TRHDE: variants seen among roughly 807,000 people sequenced by gnomAD.
TRHDE encodes thyrotropin-releasing hormone-degrading ectoenzyme.
A neutral mutation model predicts 125.7 loss-of-function variants in TRHDE; 72 were observed. That is an observed-to-expected ratio of 0.57 (90% confidence interval 0.47 to 0.70). The LOEUF (loss-of-function observed/expected upper bound fraction) is 0.70, where lower values mean the gene tolerates loss of function less well. Among genes scored for constraint, TRHDE ranks in the 30% least tolerant of loss-of-function variants. The pLI, the probability that TRHDE is intolerant of heterozygous loss-of-function variation, is 0.00. For synonymous variants in TRHDE, 509 were observed against 509.1 expected (o/e 1.00, Z 0.00); for missense variants, 1,110 against 1,327.1 (o/e 0.84, Z 2.54).
chr12:72,543,781 A>G lies in TRHDE; in HGVS notation c.1788+1425A>G, dbSNP rs139273866. ...ACTACAGTTATATTATTTGGAAAGG[A>G]TTATTATTTGGAAAGGATTATTATT... On this transcript the variant is annotated intron_variant, in intron 7 of 18. Transcript: ENST00000261180. Among the ~76,000 whole-genome samples the G allele has an allele frequency of 1.4e-4, 20 of 143,928 alleles. No individual in the cohort carries two copies. The East Asian group carries it at 3.9e-3, about 28-fold the overall frequency. 94.4% of individuals were successfully genotyped at this position (143,928 alleles called of 152,430 possible).
intron 3 of TRHDE, among the ~76,000 whole-genome samples, chr12:72,445,373 C>G (rs1457046819): frequency 6.6e-6 from 1 of 151,876 alleles, no homozygotes. Flanking sequence ...ATCCCATACT[C>G]AAATGCCTCA....
intron 2 of TRHDE, among the ~76,000 whole-genome samples, chr12:72,211,034 C>G (rs1877769830): frequency 6.6e-6 from 1 of 152,184 alleles, no homozygotes; most frequent in Non-Finnish European, 1.5e-5. Context: ...CGACCACCCT[C>G]CTAGACCTGA....
At chr12:72,549,907 G>A (rs1008953041) in intron 7 of TRHDE, among the ~76,000 whole-genome samples, 1 of 151,542 alleles carries the variant, frequency 6.6e-6, no homozygotes, top group East Asian at 1.9e-4. Context: ...TAATTTAAAG[G>A]TTGTTAACCG....
At chr12:72,473,772 G>A (rs965404263) in intron 5 of TRHDE, among the ~76,000 whole-genome samples, 3 of 151,940 alleles carry the variant, frequency 2.0e-5, no homozygotes, top group Non-Finnish European at 2.9e-5. Context: ...GGAGGGTGTA[G>A]TTTTGCTATA....
intron 1 of TRHDE, among the ~76,000 whole-genome samples, chr12:72,099,449 G>A (rs1875016000): frequency 6.6e-6 from 1 of 152,108 alleles, no homozygotes; most frequent in Non-Finnish European, 1.5e-5. Context: ...TTTGTTCTTG[G>A]ATTTTGATAT....
intron 6 of TRHDE, among the ~76,000 whole-genome samples, chr12:72,503,326 C>G (rs558860581): frequency 3.3e-5 from 5 of 152,090 alleles, no homozygotes; most frequent in African/African-American, 1.2e-4. Context: ...AAATCAGGTT[C>G]CAGAGCCAGT....
chr12:72,657,602 A>G (rs1431476712), intron 18 of TRHDE, among the ~76,000 whole-genome samples: 1 of 152,178 alleles, frequency 6.6e-6, no homozygotes, highest in Admixed American at 6.5e-5. Flanking sequence ...GTGAAAATAA[A>G]CTTGATTTTT....
chr12:72,453,621 C>T (rs1453494636), intron 3 of TRHDE, among the ~76,000 whole-genome samples: 4 of 152,124 alleles, frequency 2.6e-5, no homozygotes, highest in Non-Finnish European at 1.5e-5. Flanking sequence ...ATAGAGAAAA[C>T]AATGAGGAAA....
intron 15 of TRHDE, among the ~76,000 whole-genome samples, chr12:72,633,449 T>A (rs1453639731): frequency 6.6e-6 from 1 of 152,112 alleles, no homozygotes; most frequent in East Asian, 1.9e-4. Flanking sequence ...CAGACTGTTT[T>A]TTGGACTACC....
At chr12:72,222,199 A>G (rs758102860) in intron 2 of TRHDE, among the ~76,000 whole-genome samples, 5 of 152,156 alleles carry the variant, frequency 3.3e-5, no homozygotes, top group African/African-American at 4.8e-5. Context: ...ATTCAGGGGT[A>G]GAGGACATAG....
At chr12:72,309,085 G>A (rs1246793619) in intron 2 of TRHDE, among the ~76,000 whole-genome samples, 1 of 152,078 alleles carries the variant, frequency 6.6e-6, no homozygotes, top group African/African-American at 2.4e-5. Flanking sequence ...CAAAACCATG[G>A]CTACAATCAA....
chr12:72,470,963 G>A (rs889521034), intron 4 of TRHDE, among the ~76,000 whole-genome samples: 12 of 129,376 alleles, frequency 9.3e-5, no homozygotes, highest in Admixed American at 7.0e-4. Flanking sequence ...TGCAGTCTTC[G>A]CCTCCCAGGT....
chr12:72,538,749 T>C (rs1238708443), intron 6 of TRHDE, among the ~76,000 whole-genome samples: 1 of 152,030 alleles, frequency 6.6e-6, no homozygotes, highest in Non-Finnish European at 1.5e-5. Flanking sequence ...TCATCCACTC[T>C]AGCTTTAAAA....
chr12:72,125,706 C>T (rs80153222), intron 2 of TRHDE, among the ~76,000 whole-genome samples: 9 of 152,238 alleles, frequency 5.9e-5, no homozygotes, highest in Admixed American at 2.6e-4. Context: ...ACAGGAATAA[C>T]GGCCTGAAAC....
intron 7 of TRHDE, among the ~76,000 whole-genome samples, chr12:72,548,114 G>A (rs941279149): frequency 9.2e-5 from 14 of 151,870 alleles, no homozygotes; most frequent in African/African-American, 3.4e-4. Context: ...TATATGCAGT[G>A]CAAACCCACT....
In TRHDE at chr12:72,450,827, G is replaced by C. The variant is rs564314039; in HGVS notation, c.1316-18931G>C. ...GCACTTAGTATCTTTTGTTTTTTCT[G>C]TAGTAGCCATTCTAACAGGTGTGAG... On this transcript the variant is annotated intron_variant, in intron 3 of 18. Coordinates refer to ENST00000261180, the MANE Select transcript of TRHDE (RefSeq NM_013381.3). Among the ~76,000 whole-genome samples, 11 of 151,968 alleles carry C rather than the reference G, an allele frequency of 7.2e-5. No homozygotes were observed. In the East Asian group the frequency reaches 1.2e-3, roughly 16 times the overall value.
At chr12:72,215,370 A>ATTC (rs1192600626) in intron 2 of TRHDE, among the ~76,000 whole-genome samples, 2 of 152,074 alleles carry the variant, frequency 1.3e-5, no homozygotes, top group Non-Finnish European at 2.9e-5. Flanking sequence ...TTCTTTTGTG[A>ATTC]TTCTTCAGTT....
intron 2 of TRHDE, among the ~76,000 whole-genome samples, chr12:72,138,979 G>A (rs117510499): frequency 0.012 from 1,757 of 152,304 alleles, 12 homozygotes; most frequent in Non-Finnish European, 0.018. Flanking sequence ...TAAAAAAGGG[G>A]TATCTCAACA....
chr12:72,271,278 G>T (rs1168956263), upstream of TRHDE, among the ~76,000 whole-genome samples: 2 of 152,168 alleles, frequency 1.3e-5, no homozygotes, highest in African/African-American at 4.8e-5. Flanking sequence ...GTCAGGTTTT[G>T]GAGAATTTAT....
Sources: gnomAD v4.1 joint callset for allele counts (sites outside exome capture counted in the v4.1 genomes callset) on GRCh38, gnomAD v4.1.1 for gene constraint, MANE v1.5 for transcripts, NCBI Gene and HGNC (gene_info 2026-07-23, HGNC 2026-07-21) for gene names.